Variants in SEPSECS observed in about 807,000 individuals in gnomAD.
The protein encoded by SEPSECS is O-phosphoseryl-tRNA(Sec) selenium transferase.
In SEPSECS, 42 loss-of-function variants were observed where a neutral mutation model predicts 52.1. That is an observed-to-expected ratio of 0.81 (90% confidence interval 0.63 to 1.04). SEPSECS has a LOEUF of 1.04. Ranked by LOEUF, SEPSECS falls within the 50% of genes least tolerant of loss-of-function variation. The pLI is 0.00. For synonymous variants in SEPSECS, 216 were observed against 211.4 expected, an observed-to-expected ratio of 1.02 and a Z score of -0.19; for missense variants, 590 against 610.6, an observed-to-expected ratio of 0.97 and a Z score of 0.36.
intron 8 of SEPSECS, among the ~76,000 whole-genome samples, chr4:25,140,421 T>A (rs1013760499): frequency 2.8e-4 from 43 of 152,206 alleles, no homozygotes; most frequent in Non-Finnish European, 5.9e-5. Flanking sequence ...CCAGGCTAGG[T>A]TATCTTCTAT....
intron 8 of SEPSECS, among the ~76,000 whole-genome samples, chr4:25,131,934 A>G (rs1186015029): frequency 6.6e-6 from 1 of 152,248 alleles, no homozygotes; most frequent in Non-Finnish European, 1.5e-5. Context: ...TTCTAAGACC[A>G]TAGACTTTCT....
In SEPSECS at chr4:25,160,272, CG is replaced by C. The variant is rs1368749508; in HGVS notation, c.97del (p.Arg33GlyfsTer35). The C allele has an allele frequency of 6.4e-7, 1 of 1,556,590 alleles. No individual in the cohort carries two copies. The highest frequency in any genetic ancestry group is 2.4e-5 in the East Asian group (1 of 41,438). ...GCTCGGTACCTTCTCCAGAAGCAGC[CG>C]TATGAGGTGCTCATGCGAGCGGCGG... The part of the protein sequence containing the change: ...EARRSHEHLI[R>X]LLLEKGKCPE... On this transcript the variant is annotated frameshift_variant, in exon 1 of 11. Transcript: ENST00000382103. LOFTEE classifies it high-confidence loss of function.
intron 8 of SEPSECS, among the ~76,000 whole-genome samples, chr4:25,133,112 C>T (rs1388371322): frequency 2.0e-5 from 3 of 152,120 alleles, no homozygotes; most frequent in Non-Finnish European, 2.9e-5. Flanking sequence ...TCCCCACCCA[C>T]CTATTTTTCC....
At chr4:25,147,165 G>C (rs1469624618) in intron 6 of SEPSECS, among the ~76,000 whole-genome samples, 1 of 152,120 alleles carries the variant, frequency 6.6e-6, no homozygotes, top group Non-Finnish European at 1.5e-5. Context: ...GCTTCCTCCT[G>C]CATCATTCAG....
At chr4:25,153,601 T>C (rs1712441893) in intron 5 of SEPSECS, among the ~76,000 whole-genome samples, 1 of 151,962 alleles carries the variant, frequency 6.6e-6, no homozygotes, top group South Asian at 2.1e-4. Flanking sequence ...TCCACAATAG[T>C]TTTTGTCTGA....
chr4:25,159,463 T>C, intron 1 of SEPSECS: 1 of 349,722 alleles, frequency 2.9e-6, no homozygotes, highest in Non-Finnish European at 5.6e-6. Context: ...AGGGCGGTAG[T>C]TGTCAAACTT....
chr4:25,154,986 C>T lies in SEPSECS; in HGVS notation c.701+12G>A. 6.2e-7 allele frequency: 1 copy of T among 1,613,310 alleles called. No homozygotes were observed. Among genetic ancestry groups the T allele is most frequent in the South Asian group, 1.1e-5 (1 of 91,052 alleles). ...ATAAACAGCTAAAGGACAATATTCA[C>T]AAATCATTTACCTATCAGGCACCCT... On this transcript the variant is annotated intron_variant, in intron 5 of 10. Coordinates refer to ENST00000382103, the MANE Select transcript of SEPSECS (RefSeq NM_016955.4).
chr4:25,144,658 C>G, intron 8 of SEPSECS, 116 bp downstream of exon 8: 1 of 758,616 alleles, frequency 1.3e-6, no homozygotes, highest in Admixed American at 2.0e-5. Flanking sequence ...TAAATACTAT[C>G]GGACCATACT....
At chr4:25,160,152 T>C (rs1712976798) in intron 1 of SEPSECS, 104 bp downstream of exon 1, 11 of 1,524,970 alleles carry the variant, frequency 7.2e-6, no homozygotes, top group Non-Finnish European at 9.7e-6. Context: ...GGGACTAGTC[T>C]CAAGCAGCGA....
rs544559197 is a variant in SEPSECS at position 25,123,660 on chromosome 4, C to T, written c.*271G>A. The T allele has an allele frequency of 4.5e-6, 2 of 445,528 alleles. No individual in the cohort carries two copies. The highest frequency in any genetic ancestry group is 8.2e-6 in the Non-Finnish European group (2 of 244,336). The allele number at this position is 445,528 out of a possible 1,614,324, so 27.6% of individuals were successfully genotyped here. ...CTGTCATTACACTAGTAAAAATTAT[C>T]TGAGTCATGATGCTTAATTGACAGA... is the stretch of plus-strand genomic sequence containing the variant. On this transcript the variant is annotated 3_prime_UTR_variant, in exon 11 of 11. Coordinates refer to ENST00000382103, the MANE Select transcript of SEPSECS (RefSeq NM_016955.4).
At chr4:25,128,328 A>T (rs1171027776) in intron 8 of SEPSECS, among the ~76,000 whole-genome samples, 1 of 152,136 alleles carries the variant, frequency 6.6e-6, no homozygotes, top group Non-Finnish European at 1.5e-5. Context: ...TTTAAATCAC[A>T]CAACATTAAA....
At chr4:25,132,494 T>C (rs190824841) in intron 8 of SEPSECS, among the ~76,000 whole-genome samples, 50 of 152,108 alleles carry the variant, frequency 3.3e-4, no homozygotes, top group Middle Eastern at 6.8e-3. Flanking sequence ...ACAAATCCAA[T>C]AAAAAAACAA....
intron 1 of SEPSECS, 98 bp downstream of exon 1, chr4:25,160,158 A>C: frequency 6.5e-7 from 1 of 1,527,792 alleles, no homozygotes; most frequent in South Asian, 1.2e-5. Flanking sequence ...AGTCTCAAGC[A>C]GCGAAGAGCT....
At chr4:25,125,101 C>T (rs548303161) in intron 10 of SEPSECS, among the ~76,000 whole-genome samples, 7 of 152,086 alleles carry the variant, frequency 4.6e-5, no homozygotes, top group South Asian at 2.1e-4. Context: ...CTCTATCCTC[C>T]GGTAGCTACA....
At chr4:25,128,858 T>C (rs976582663) in intron 8 of SEPSECS, among the ~76,000 whole-genome samples, 3 of 152,014 alleles carry the variant, frequency 2.0e-5, no homozygotes, top group African/African-American at 7.2e-5. Flanking sequence ...GATACTCTCA[T>C]CCCACACTGA....
In SEPSECS at chr4:25,123,926, G is replaced by T; in HGVS notation, c.*5C>A. The T allele has an allele frequency of 4.3e-6, 7 of 1,610,322 alleles. No individual in the cohort carries two copies. Among genetic ancestry groups the T allele is most frequent in the South Asian group, 1.1e-5 (1 of 90,996 alleles). On this transcript the variant is annotated 3_prime_UTR_variant, in exon 11 of 11. Coordinates refer to ENST00000382103, the MANE Select transcript of SEPSECS (RefSeq NM_016955.4). ...TCAAATGATCAAGAAGAAACCCTTC[G>T]CATGTCATGAAGAAGCATCCTGGTA... is the stretch of plus-strand genomic sequence containing the variant.
upstream of SEPSECS, chr4:25,160,452 C>A: frequency 8.8e-7 from 1 of 1,138,596 alleles, no homozygotes; most frequent in South Asian, 1.4e-5. Flanking sequence ...TGCAACTCGC[C>A]GCCTGGACGG....
chr4:25,144,003 T>C (rs979802839), intron 8 of SEPSECS, among the ~76,000 whole-genome samples: 5 of 152,152 alleles, frequency 3.3e-5, no homozygotes, highest in African/African-American at 1.2e-4. Flanking sequence ...TAAATGTAAC[T>C]TCTTTTCATA....
rs1728251682 is a variant in SEPSECS, at chr4:25,124,076, A to G, written c.1361T>C (p.Leu454Pro). 2 of 1,613,818 alleles carry G rather than the reference A, an allele frequency of 1.2e-6. No homozygotes were observed. Among genetic ancestry groups the G allele is most frequent in the African/African-American group, 2.7e-5 (2 of 74,994 alleles). Residue 454 changes from leucine (L) to proline (P), a missense_variant, in exon 11 of 11, where the codon CTT becomes CCT. By Grantham distance (98) the Leu-to-Pro change is moderately conservative (BLOSUM62 -3). Coordinates refer to ENST00000382103, the MANE Select transcript of SEPSECS (RefSeq NM_016955.4). ...MQDVDLFIKR[L>P]DRCLKAVRKE... ...TCTTACTGCCTTTAAACACCTGTCA[A>G]GTCTCTTTATGAACAGGTCCACATC...
Sources: allele counts gnomAD v4.1 joint callset (sites outside exome capture counted in the v4.1 genomes callset), GRCh38; gene constraint gnomAD v4.1.1; transcripts MANE v1.5; gene names NCBI Gene and HGNC (gene_info 2026-07-23, HGNC 2026-07-21).